TBC1D22A: variants seen among roughly 807,000 people sequenced by gnomAD.
TBC1D22A encodes the protein TBC1 domain family member 22A.
A neutral mutation model predicts 60.2 loss-of-function variants in TBC1D22A; 38 were observed. That is an observed-to-expected ratio of 0.63 (90% CI 0.49 to 0.83). The LOEUF is 0.83. Ranked by LOEUF, TBC1D22A falls within the 40% of genes least tolerant of loss-of-function variation. TBC1D22A has a pLI of 0.00. For missense variants in TBC1D22A, 628 were observed against 701.0 expected (o/e 0.90, Z 1.18); for synonymous variants, 302 against 281.7 (o/e 1.07, Z -0.72).
chr22:47,043,883 G>C (rs1030389761), intron 11 of TBC1D22A, among the ~76,000 whole-genome samples: 13 of 76,450 alleles, frequency 1.7e-4, no homozygotes, highest in African/African-American at 7.8e-4. Context: ...CCAGACTCAG[G>C]TGGGGCCATG....
chr22:46,961,006 A>G (rs1271405367), intron 8 of TBC1D22A, among the ~76,000 whole-genome samples: 1 of 137,820 alleles, frequency 7.3e-6, no homozygotes, highest in African/African-American at 2.7e-5. Flanking sequence ...AAGAGGACAC[A>G]TCTCAGAGAC....
rs901329693 is a variant in TBC1D22A, at chr22:46,990,346, G to T, written c.1126-7288G>T. 6.6e-6 allele frequency among the ~76,000 whole-genome samples: 1 copy of T among 151,746 alleles called. No individual in the cohort carries two copies. The highest frequency in any genetic ancestry group is 6.6e-5 in the Admixed American group (1 of 15,260). On this transcript the variant is annotated intron_variant, in intron 9 of 12. Coordinates refer to ENST00000337137, the MANE Select transcript of TBC1D22A (RefSeq NM_014346.5). This position sits in a 1 kb window ranked among gnomAD's most constrained non-coding sequence, Gnocchi z 4.6. ...TATTTTTTTCAATTAATGGAGTTTG[G>T]TTTTTTTAGAGCAGTTTTAGCTTTC...
At chr22:46,847,735 G>A (rs2087067476) in intron 4 of TBC1D22A, among the ~76,000 whole-genome samples, 1 of 152,234 alleles carries the variant, frequency 6.6e-6, no homozygotes, top group African/African-American at 2.4e-5. Context: ...CTGTAGTAGA[G>A]GCACCCAGGC....
chr22:46,908,518 C>G (rs2069655760), intron 7 of TBC1D22A, among the ~76,000 whole-genome samples: 2 of 152,192 alleles, frequency 1.3e-5, no homozygotes. Flanking sequence ...AGTTGGATGA[C>G]AGCGGACATC....
chr22:46,804,194 A>G (rs2085029748), intron 4 of TBC1D22A, among the ~76,000 whole-genome samples: 1 of 151,978 alleles, frequency 6.6e-6, no homozygotes, highest in African/African-American at 2.4e-5. Flanking sequence ...TTTCCCTCAA[A>G]GCTTGCCCCC....
chr22:46,872,750 A>C (rs1311387998), intron 4 of TBC1D22A, among the ~76,000 whole-genome samples: 1 of 152,174 alleles, frequency 6.6e-6, no homozygotes, highest in Non-Finnish European at 1.5e-5. Context: ...AGTGTTGGAG[A>C]GGAGGGAATT....
intron 8 of TBC1D22A, among the ~76,000 whole-genome samples, chr22:46,917,660 A>C (rs1454507012): frequency 6.6e-6 from 1 of 152,162 alleles, no homozygotes; most frequent in Non-Finnish European, 1.5e-5. Context: ...GGGCCTTGGC[A>C]GGAGATCTGC....
chr22:47,129,797 C>T (rs2066618959), intron 12 of TBC1D22A, among the ~76,000 whole-genome samples: 1 of 152,220 alleles, frequency 6.6e-6, no homozygotes, highest in Admixed American at 6.5e-5. Flanking sequence ...AAAAGAGCAG[C>T]CCTCCATCCC....
chr22:46,993,344 C>T (rs1318669776), intron 9 of TBC1D22A, among the ~76,000 whole-genome samples: 6 of 152,164 alleles, frequency 3.9e-5, no homozygotes, highest in Admixed American at 2.0e-4. Flanking sequence ...CACAACAGAT[C>T]GTTGTCTTCA....
chr22:47,096,094 G>A (rs982239016), intron 11 of TBC1D22A, among the ~76,000 whole-genome samples: 2 of 152,158 alleles, frequency 1.3e-5, no homozygotes, highest in Non-Finnish European at 2.9e-5. Context: ...GAATGCCTTT[G>A]AACTTATTAC....
chr22:47,172,971 G>A (rs2068545315), intron 12 of TBC1D22A, among the ~76,000 whole-genome samples: 1 of 152,236 alleles, frequency 6.6e-6, no homozygotes, highest in South Asian at 2.1e-4. Flanking sequence ...GGGGTCTCCT[G>A]GTGCACAGAA....
intron 7 of TBC1D22A, among the ~76,000 whole-genome samples, chr22:46,904,069 T>G (rs1369367716): frequency 1.3e-5 from 2 of 150,710 alleles, no homozygotes; most frequent in African/African-American, 4.9e-5. Flanking sequence ...TATATGTGTA[T>G]GTATACATAT....
intron 11 of TBC1D22A, among the ~76,000 whole-genome samples, chr22:47,097,396 A>C (rs2065227124): frequency 6.6e-6 from 1 of 152,162 alleles, no homozygotes. Flanking sequence ...CAGGTGGATC[A>C]CGAGGTCAGG....
intron 10 of TBC1D22A, among the ~76,000 whole-genome samples, chr22:47,025,371 AG>A (rs1379528110): frequency 6.6e-6 from 1 of 152,260 alleles, no homozygotes; most frequent in Non-Finnish European, 1.5e-5. Context: ...ATAAATCTTA[AG>A]GGATTCAAGA....
In TBC1D22A at chr22:46,905,794, A is replaced by G. The variant is rs368151995; in HGVS notation, c.901-6280A>G. ...TTCCTCAACCTGTGGGCGGGCAGGA[A>G]TCAGTGGTCCTTCTCCATCCTTCTG... On this transcript the variant is annotated intron_variant, in intron 7 of 12. Coordinates refer to ENST00000337137, the MANE Select transcript of TBC1D22A (RefSeq NM_014346.5). 3.9e-5 allele frequency among the ~76,000 whole-genome samples: 6 copies of G among 152,224 alleles called. No individual in the cohort carries two copies. The East Asian group carries it at 1.2e-3, about 29-fold the overall frequency.
At chr22:46,766,510 A>C (rs995720366) in intron 1 of TBC1D22A, among the ~76,000 whole-genome samples, 6 of 152,092 alleles carry the variant, frequency 3.9e-5, no homozygotes, top group African/African-American at 1.4e-4. Context: ...ACAATACAAG[A>C]CTAGTAAGGG....
chr22:46,961,821 G>C (rs1325204409), intron 8 of TBC1D22A, among the ~76,000 whole-genome samples: 2 of 152,206 alleles, frequency 1.3e-5, no homozygotes, highest in Non-Finnish European at 2.9e-5. Flanking sequence ...AATTGATGGC[G>C]TCACCAGCGT....
chr22:47,072,851 C>T (rs2064058935), intron 11 of TBC1D22A, among the ~76,000 whole-genome samples: 1 of 152,228 alleles, frequency 6.6e-6, no homozygotes, highest in African/African-American at 2.4e-5. Flanking sequence ...TTCATCAGAC[C>T]TGCCCTGCCT....
intron 9 of TBC1D22A, among the ~76,000 whole-genome samples, chr22:46,987,992 CA>C (rs1339620233): frequency 1.3e-5 from 2 of 152,036 alleles, no homozygotes; most frequent in African/African-American, 4.8e-5. Flanking sequence ...GTTGTCATTT[CA>C]ACAATGTTCA....
Sources: allele counts gnomAD v4.1 joint callset (sites outside exome capture counted in the v4.1 genomes callset), GRCh38; gene constraint gnomAD v4.1.1; non-coding constraint Gnocchi (gnomAD v3.1); transcripts MANE v1.5; gene names NCBI Gene and HGNC (gene_info 2026-07-23, HGNC 2026-07-21).